IPO11: variants seen among roughly 807,000 people sequenced by gnomAD.
IPO11 encodes importin 11, also known as importin-11.
IPO11 carries 66 observed loss-of-function variants against 143.2 expected under a neutral mutation model. The ratio of observed to expected loss-of-function variants is 0.46; its 90% CI spans 0.38 to 0.57. IPO11 has a LOEUF of 0.57. IPO11 is among the 20% of genes least tolerant of loss of function. The pLI is 0.00. For synonymous variants in IPO11, 385 were observed against 377.8 expected, an observed-to-expected ratio of 1.02 and a Z score of -0.22; for missense variants, 1,026 against 1,141.0, an observed-to-expected ratio of 0.90 and a Z score of 1.45.
rs70981007 is a variant in IPO11, at chr5:62,435,212, GTA to G, written c.-6-2048_-6-2047del. Among the ~76,000 whole-genome samples, 157 of 79,664 alleles carry G rather than the reference GTA, an allele frequency of 2.0e-3. 8 individuals carry two copies. Among genetic ancestry groups the G allele is most frequent in the South Asian group, 6.5e-3 (18 of 2,760 alleles). The allele number at this position is 79,664 out of a possible 152,430, so 52.3% of individuals were successfully genotyped here. Reference sequence around the variant, plus strand: ...TATGTATATATATGTATATATATGTGTATATATATATATATCAGAGCAGCTGT... The same window carrying G: ...TATGTATATATATGTATATATATGTGTATATATATATATCAGAGCAGCTGT... On this transcript the variant is annotated intron_variant, in intron 1 of 29. Coordinates refer to ENST00000325324, the MANE Select transcript of IPO11 (RefSeq NM_016338.5).
chr5:62,558,705 G>A (rs899591191), intron 26 of IPO11, among the ~76,000 whole-genome samples: 5 of 151,746 alleles, frequency 3.3e-5, no homozygotes, highest in African/African-American at 4.8e-5. Context: ...AAATACTATC[G>A]GCATTTTTTC....
chr5:62,450,912 G>A (rs1232506162), intron 4 of IPO11, among the ~76,000 whole-genome samples: 1 of 152,012 alleles, frequency 6.6e-6, no homozygotes, highest in Non-Finnish European at 1.5e-5. Flanking sequence ...GCACAATTTG[G>A]CAGTATTTCT....
At chr5:62,580,451 C>T in intron 27 of IPO11, 2 of 1,551,370 alleles carry the variant, frequency 1.3e-6, no homozygotes, top group Non-Finnish European at 1.7e-6. Flanking sequence ...AATAATCTTA[C>T]AGCCTTGCAT....
chr5:62,466,784 T>G (rs1312804373), intron 5 of IPO11, among the ~76,000 whole-genome samples: 1 of 152,202 alleles, frequency 6.6e-6, no homozygotes, highest in Non-Finnish European at 1.5e-5. Flanking sequence ...AGTCCATAAA[T>G]CATTGTTTTA....
intron 28 of IPO11, among the ~76,000 whole-genome samples, chr5:62,598,290 T>G (rs1424672912): frequency 6.6e-6 from 1 of 151,992 alleles, no homozygotes; most frequent in African/African-American, 2.4e-5. Flanking sequence ...AGGGTTCAAT[T>G]AGGAAAGAGG....
chr5:62,470,694 A>G (rs1410155170), intron 7 of IPO11, among the ~76,000 whole-genome samples: 2 of 151,672 alleles, frequency 1.3e-5, no homozygotes, highest in Non-Finnish European at 2.9e-5. Flanking sequence ...TTTCTGTCTG[A>G]TCATTACATT....
intron 7 of IPO11, among the ~76,000 whole-genome samples, chr5:62,471,983 A>G (rs1198451342): frequency 1.3e-5 from 2 of 152,210 alleles, no homozygotes; most frequent in East Asian, 3.8e-4. Context: ...TTGCTGAAAG[A>G]TAATGTCAAG....
chr5:62,481,314 G>A (rs1746202607), intron 9 of IPO11, among the ~76,000 whole-genome samples: 1 of 152,180 alleles, frequency 6.6e-6, no homozygotes. Context: ...GGAGTGGTGA[G>A]AGAGGGTATC....
intron 6 of IPO11, among the ~76,000 whole-genome samples, chr5:62,469,838 C>T (rs1161719021): frequency 6.6e-6 from 1 of 152,012 alleles, no homozygotes; most frequent in African/African-American, 2.4e-5. Context: ...ATTTTTATAT[C>T]GTTTTTAGGA....
intron 20 of IPO11, among the ~76,000 whole-genome samples, chr5:62,524,325 C>T (rs570477850): frequency 3.9e-5 from 6 of 152,102 alleles, no homozygotes; most frequent in African/African-American, 7.2e-5. Flanking sequence ...GTGAAGGATA[C>T]GTGGGATTTC....
chr5:62,547,154 G>A (rs1343410103), intron 24 of IPO11, among the ~76,000 whole-genome samples: 5 of 152,054 alleles, frequency 3.3e-5, no homozygotes, highest in African/African-American at 1.2e-4. Context: ...TCCCTGGTGG[G>A]ATGTAACGTT....
At chr5:62,493,843 A>G (rs990508437) in intron 15 of IPO11, among the ~76,000 whole-genome samples, 155 bp from the exon 16 acceptor site, 4 of 152,256 alleles carry the variant, frequency 2.6e-5, no homozygotes, top group African/African-American at 9.6e-5. Flanking sequence ...TGCTGCGATT[A>G]TAAGCATGAG....
At chr5:62,586,863 G>C (rs900243761) in intron 27 of IPO11, among the ~76,000 whole-genome samples, 1 of 141,456 alleles carries the variant, frequency 7.1e-6, no homozygotes, top group Non-Finnish European at 1.5e-5. Flanking sequence ...ATCTACAATG[G>C]TGCTAGCTCC....
chr5:62,453,452 A>G (rs546325137), intron 5 of IPO11, among the ~76,000 whole-genome samples: 31 of 151,568 alleles, frequency 2.0e-4, no homozygotes, highest in Middle Eastern at 3.4e-3. Context: ...GAAGGAGCCA[A>G]GTGAAGAGAG....
At chr5:62,490,691 A>G (rs1746577192) in intron 15 of IPO11, among the ~76,000 whole-genome samples, 1 of 152,178 alleles carries the variant, frequency 6.6e-6, no homozygotes, top group Non-Finnish European at 1.5e-5. Context: ...AATAGTACAG[A>G]TTCATATTAC....
rs569426193 is a variant in IPO11 at position 62,495,001 on chromosome 5, G to A, written c.1590+877G>A. The stretch of plus-strand genomic sequence containing the variant: ...GACTGTACTTCCCTTTTTTACATAT[G>A]CTGACATAAAGAAAGCTACATGTAG... On this transcript the variant is annotated intron_variant, in intron 16 of 29. Coordinates refer to ENST00000325324, the MANE Select transcript of IPO11 (RefSeq NM_016338.5). Among the ~76,000 whole-genome samples the A allele has an allele frequency of 2.0e-5, 3 of 152,144 alleles. No individual in the cohort carries two copies. The East Asian group carries it at 5.8e-4, about 29-fold the overall frequency.
At chr5:62,426,276 A>G (rs1330180484) in intron 1 of IPO11, among the ~76,000 whole-genome samples, 1 of 152,196 alleles carries the variant, frequency 6.6e-6, no homozygotes, top group African/African-American at 2.4e-5. Flanking sequence ...AATCCCAGCT[A>G]CTTGGGAGGC....
intron 27 of IPO11, among the ~76,000 whole-genome samples, chr5:62,582,725 T>C (rs1305369592): frequency 1.3e-5 from 2 of 152,182 alleles, no homozygotes; most frequent in African/African-American, 4.8e-5. Context: ...TTAAGAATCT[T>C]TAATATAGAT....
rs1741987790 is a variant in IPO11, at chr5:62,628,082, AGCACCGAGAAGAACTGG to A, written c.*767_*783del. 1 of 151,948 alleles carries A rather than the reference AGCACCGAGAAGAACTGG, an allele frequency of 6.6e-6. No individual in the cohort carries two copies. The highest frequency in any genetic ancestry group is 2.4e-5 in the African/African-American group (1 of 41,360). The allele number at this position is 151,948 out of a possible 1,614,324, so 9.4% of individuals were successfully genotyped here. The stretch of plus-strand genomic sequence containing the variant: ...TCCTAGTTCCTTTGTTACTCCTGTG[AGCACCGAGAAGAACTGG>A]GCGACTCCCAGTCCCACCTGTGCTG... On this transcript the variant is annotated 3_prime_UTR_variant, in exon 30 of 30. Transcript: ENST00000325324.
Sources: allele counts gnomAD v4.1 joint callset (sites outside exome capture counted in the v4.1 genomes callset), GRCh38; gene constraint gnomAD v4.1.1; transcripts MANE v1.5; gene names NCBI Gene and HGNC (gene_info 2026-07-23, HGNC 2026-07-21).